The following ZNRF3 variants were observed in gnomAD, a reference collection of about 807,000 sequenced individuals.
ZNRF3 encodes the protein zinc and ring finger 3.
ZNRF3 carries 23 observed loss-of-function variants against 72.5 expected under a neutral mutation model. The ratio of observed to expected loss-of-function variants is 0.32; its 90% CI spans 0.23 to 0.45. The LOEUF (loss-of-function observed/expected upper bound fraction) is 0.45. Ranked by LOEUF, ZNRF3 falls within the 20% of genes least tolerant of loss-of-function variation. ZNRF3 has a pLI of 1.00. For missense variants in ZNRF3, 1,169 were observed against 1,272.1 expected, an observed-to-expected ratio of 0.92 and a Z score of 1.23; for synonymous variants, 610 against 545.3, an observed-to-expected ratio of 1.12 and a Z score of -1.65.
chr22:29,020,386 G>A (rs910150526), intron 2 of ZNRF3, among the ~76,000 whole-genome samples: 2 of 150,866 alleles, frequency 1.3e-5, no homozygotes, highest in African/African-American at 4.9e-5. Context: ...TCAGCCTCCT[G>A]AGTAGCTGGG....
At chr22:28,958,078 C>T (rs1317644880) in intron 1 of ZNRF3, among the ~76,000 whole-genome samples, 1 of 152,124 alleles carries the variant, frequency 6.6e-6, no homozygotes, top group African/African-American at 2.4e-5. Flanking sequence ...GTCCCAGCTA[C>T]TCGGGAGGCT....
chr22:28,900,424 G>T (rs2034081218), intron 1 of ZNRF3, among the ~76,000 whole-genome samples: 1 of 152,228 alleles, frequency 6.6e-6, no homozygotes, highest in Admixed American at 6.5e-5. Flanking sequence ...TGCCTTGCAT[G>T]ATTAATTCTA....
chr22:29,008,695 G>A (rs1166352414), intron 2 of ZNRF3, among the ~76,000 whole-genome samples: 1 of 152,182 alleles, frequency 6.6e-6, no homozygotes, highest in Non-Finnish European at 1.5e-5. Flanking sequence ...GACTTATTTA[G>A]TGATTTTTCA....
intron 2 of ZNRF3, among the ~76,000 whole-genome samples, chr22:29,020,638 G>C (rs1341578702): frequency 1.3e-5 from 2 of 152,006 alleles, no homozygotes; most frequent in East Asian, 3.9e-4. Context: ...CACTGATAAG[G>C]AGGGCCGACT....
intron 1 of ZNRF3, among the ~76,000 whole-genome samples, chr22:28,907,884 A>G (rs1451540329): frequency 6.6e-6 from 1 of 152,238 alleles, no homozygotes; most frequent in Non-Finnish European, 1.5e-5. Flanking sequence ...GTATAGTTAC[A>G]AGCCTCTAAA....
intron 1 of ZNRF3, among the ~76,000 whole-genome samples, chr22:28,887,254 G>GTT (rs1481116548): frequency 6.6e-6 from 1 of 151,852 alleles, no homozygotes; most frequent in Non-Finnish European, 1.5e-5. Context: ...GTGTGTGTGT[G>GTT]TGTGTGTGTG....
chr22:29,029,326 A>G (rs368783696), intron 2 of ZNRF3, among the ~76,000 whole-genome samples: 3 of 152,340 alleles, frequency 2.0e-5, no homozygotes, highest in African/African-American at 7.2e-5. Context: ...CTTTCATCCA[A>G]ATTACCTTCC....
In ZNRF3 at chr22:29,048,009, G is replaced by T. The variant is rs1046162024; in HGVS notation, c.913-380G>T. ...GGACAGCCAGCACCTCAGAGATGCA[G>T]AATATCTTGGGGTATACCTGGCCCT... On this transcript the variant is annotated intron_variant, in intron 6 of 8. Coordinates refer to ENST00000544604, the MANE Select transcript of ZNRF3 (RefSeq NM_001206998.2). This position sits in a 1 kb window ranked among gnomAD's most constrained non-coding sequence, Gnocchi z 4.9. Among the ~76,000 whole-genome samples the T allele has an allele frequency of 7.9e-5, 12 of 152,144 alleles. No homozygotes were observed. The East Asian group carries it at 1.4e-3, about 17-fold the overall frequency.
chr22:28,984,043 G>GCTGT, intron 1 of ZNRF3, among the ~76,000 whole-genome samples: 1 of 151,898 alleles, frequency 6.6e-6, no homozygotes, highest in Non-Finnish European at 1.5e-5. Flanking sequence ...CTTCACTGTG[G>GCTGT]GATCCCCGTG....
At chr22:28,918,999 G>C (rs1425639971) in intron 1 of ZNRF3, among the ~76,000 whole-genome samples, 1 of 152,202 alleles carries the variant, frequency 6.6e-6, no homozygotes, top group East Asian at 1.9e-4. Context: ...ATGGCATTTA[G>C]GATAAAGAGG....
chr22:28,904,838 C>G (rs998279441), intron 1 of ZNRF3, among the ~76,000 whole-genome samples: 7 of 151,982 alleles, frequency 4.6e-5, no homozygotes, highest in African/African-American at 1.7e-4. Context: ...CCTTGACTTT[C>G]TTCAGGCTGA....
intron 2 of ZNRF3, among the ~76,000 whole-genome samples, chr22:29,020,135 T>C (rs1364129571): frequency 1.3e-5 from 2 of 152,116 alleles, no homozygotes. Flanking sequence ...CTGATTACTT[T>C]ATGATACCTA....
intron 1 of ZNRF3, among the ~76,000 whole-genome samples, chr22:28,932,485 A>G (rs2034723887): frequency 6.6e-6 from 1 of 152,166 alleles, no homozygotes; most frequent in South Asian, 2.1e-4. Flanking sequence ...GCATGTACAG[A>G]GAATCTCAGG....
At chr22:28,983,310 G>GCCTGACAGCCCCGGGGGAC (rs2035799147) in intron 1 of ZNRF3, among the ~76,000 whole-genome samples, 2 of 152,010 alleles carry the variant, frequency 1.3e-5, no homozygotes, top group African/African-American at 4.8e-5. Context: ...CAGGGCACCA[G>GCCTGACAGCCCCGGGGGAC]CCTGACAGCC....
chr22:28,944,241 G>C (rs368536135), intron 1 of ZNRF3, among the ~76,000 whole-genome samples: 2 of 151,424 alleles, frequency 1.3e-5, no homozygotes, highest in South Asian at 4.2e-4. Flanking sequence ...ACTTTGTTTT[G>C]TTTGATTATA....
At chr22:28,961,351 C>T (rs866817930) in intron 1 of ZNRF3, among the ~76,000 whole-genome samples, 12 of 152,318 alleles carry the variant, frequency 7.9e-5, no homozygotes, top group Middle Eastern at 3.4e-3. Flanking sequence ...TAATCCAGAG[C>T]TATTGGTTGA....
intron 1 of ZNRF3, among the ~76,000 whole-genome samples, chr22:28,904,920 T>C (rs532013987): frequency 6.6e-6 from 1 of 151,282 alleles, no homozygotes; most frequent in South Asian, 2.1e-4. Context: ...CATGCAGACC[T>C]GGGCATTGTG....
In ZNRF3 at chr22:29,046,732, T is replaced by C; in HGVS notation, c.761T>C (p.Leu254Pro). The change falls in exon 6 of 9, where the codon CTG (leucine) becomes CCG (proline). Residue 254 changes from leucine (L) to proline (P), a missense_variant. Physicochemically the swap from Leu to Pro is moderately conservative, Grantham distance 98 (BLOSUM62 -3). Coordinates refer to ENST00000544604, the MANE Select transcript of ZNRF3 (RefSeq NM_001206998.2). ...QRRSQNSMNR[L>P]AVQALEKMET... The stretch of plus-strand genomic sequence containing the variant: ...GCCCTGCAGAATTCCATGAACAGGC[T>C]GGCTGTGCAGGCTCTAGAGAAGATG... The C allele has an allele frequency of 1.2e-6, 2 of 1,607,590 alleles. No individual in the cohort carries two copies. Among genetic ancestry groups the C allele is most frequent in the Non-Finnish European group, 1.7e-6 (2 of 1,176,792 alleles).
chr22:28,918,734 G>A (rs1267979435), intron 1 of ZNRF3, among the ~76,000 whole-genome samples: 1 of 152,134 alleles, frequency 6.6e-6, no homozygotes, highest in Non-Finnish European at 1.5e-5. Flanking sequence ...AAGCTACAAT[G>A]TTTCCACTTC....
Sources: allele counts gnomAD v4.1 joint callset (sites outside exome capture counted in the v4.1 genomes callset), GRCh38; gene constraint gnomAD v4.1.1; non-coding constraint Gnocchi (gnomAD v3.1); transcripts MANE v1.5; gene names NCBI Gene and HGNC (gene_info 2026-07-23, HGNC 2026-07-21).